Variants in TEX9 observed in about 807,000 individuals in gnomAD.
The protein encoded by TEX9 is testis expressed 9, also known as testis-expressed protein 9.
TEX9 carries 74 observed loss-of-function variants against 59.6 expected under a neutral mutation model. The ratio of observed to expected loss-of-function variants is 1.24; its 90% confidence interval spans 1.03 to 1.51. The LOEUF (loss-of-function observed/expected upper bound fraction) is 1.51. TEX9 is among the 40% of genes most tolerant of loss of function. The probability of loss-of-function intolerance (pLI) is 0.00; values close to 1 mark genes in which losing one functional copy is unlikely to be tolerated. For missense variants in TEX9, 522 were observed against 447.8 expected (o/e 1.17, Z -1.49); for synonymous variants, 186 against 152.2 (o/e 1.22, Z -1.64).
At chr15:56,263,087 G>C (rs902812851) in intron 1 of TEX9, among the ~76,000 whole-genome samples, 1 of 152,016 alleles carries the variant, frequency 6.6e-6, no homozygotes, top group Non-Finnish European at 1.5e-5. Context: ...GCAGTGGTAC[G>C]ATCATGGCTC....
At chr15:56,372,623 C>T (rs1001417289) in intron 2 of TEX9, among the ~76,000 whole-genome samples, 2 of 151,926 alleles carry the variant, frequency 1.3e-5, no homozygotes, top group Non-Finnish European at 1.5e-5. Context: ...CTAAAGATTA[C>T]GTGAAGATAG....
At chr15:56,330,419 C>A (rs539663866) in intron 1 of TEX9, among the ~76,000 whole-genome samples, 2 of 151,962 alleles carry the variant, frequency 1.3e-5, no homozygotes, top group East Asian at 3.9e-4. Flanking sequence ...CTACTCTTAT[C>A]CTAAGTAGAA....
intron 1 of TEX9, among the ~76,000 whole-genome samples, chr15:56,285,261 T>C (rs1207380867): frequency 6.6e-6 from 1 of 152,150 alleles, no homozygotes. Flanking sequence ...TTTCTGTTGG[T>C]ACATAGAATT....
intron 12 of TEX9, chr15:56,443,448 T>C (rs1461538919): frequency 3.2e-6 from 5 of 1,585,258 alleles, no homozygotes; most frequent in Middle Eastern, 3.6e-4. Context: ...TGCTCTTATA[T>C]ATTTCAGCTT....
intron 1 of TEX9, among the ~76,000 whole-genome samples, chr15:56,287,416 A>G (rs544477400): frequency 3.7e-4 from 56 of 152,260 alleles, no homozygotes; most frequent in African/African-American, 1.3e-3. Flanking sequence ...AGACAAGTGA[A>G]AAAAATATGT....
At chr15:56,386,828 A>G (rs2047982642) in intron 4 of TEX9, among the ~76,000 whole-genome samples, 1 of 151,864 alleles carries the variant, frequency 6.6e-6, no homozygotes, top group Non-Finnish European at 1.5e-5. Context: ...TTTTAATGCA[A>G]CTGTTTGAAC....
chr15:56,413,269 TTAA>T (rs1240423776), intron 10 of TEX9, among the ~76,000 whole-genome samples: 2 of 102,708 alleles, frequency 1.9e-5, no homozygotes, highest in Admixed American at 1.3e-4. Flanking sequence ...ATTAAATAAT[TTAA>T]TAATTAAATA....
At chr15:56,356,544 T>A (rs1449405100) in intron 1 of TEX9, among the ~76,000 whole-genome samples, 1 of 152,150 alleles carries the variant, frequency 6.6e-6, no homozygotes, top group East Asian at 1.9e-4. Context: ...GTGTGCCAAA[T>A]CTCTTAGGTT....
At chr15:56,454,016 A>G in the TEX9 span, among the ~76,000 whole-genome samples, 1 of 152,212 alleles carries the variant, frequency 6.6e-6, no homozygotes, top group African/African-American at 2.4e-5. Flanking sequence ...CCATTTCTGC[A>G]TGACAGTGAA....
At chr15:56,262,802 T>G (rs1167571265) in intron 1 of TEX9, among the ~76,000 whole-genome samples, 2 of 152,250 alleles carry the variant, frequency 1.3e-5, no homozygotes, top group African/African-American at 4.8e-5. Flanking sequence ...CATAAAAATT[T>G]AGGATTGTTG....
intron 1 of TEX9, among the ~76,000 whole-genome samples, chr15:56,346,237 CAGAG>C (rs1481381716): frequency 2.6e-5 from 4 of 152,142 alleles, no homozygotes; most frequent in African/African-American, 9.7e-5. Context: ...GAAGATGCCT[CAGAG>C]AGGCAGGAGA....
At chr15:56,380,999 G>C (rs1311781294) in intron 3 of TEX9, among the ~76,000 whole-genome samples, 1 of 152,068 alleles carries the variant, frequency 6.6e-6, no homozygotes, top group Admixed American at 6.6e-5. Flanking sequence ...TTATCCCTTC[G>C]AATAAACTTT....
intron 1 of TEX9, among the ~76,000 whole-genome samples, chr15:56,326,710 C>T (rs558889506): frequency 5.3e-5 from 8 of 152,192 alleles, no homozygotes; most frequent in African/African-American, 9.6e-5. Flanking sequence ...CATGGAGAAA[C>T]GCTGGGAGAT....
At chr15:56,436,849 C>G (rs2050734807) in intron 12 of TEX9, among the ~76,000 whole-genome samples, 1 of 152,132 alleles carries the variant, frequency 6.6e-6, no homozygotes, top group Admixed American at 6.5e-5. Flanking sequence ...ACTAGAAAAT[C>G]TAGAAGAAAT....
At chr15:56,363,804 A>G (rs138619466), upstream of TEX9, among the ~76,000 whole-genome samples, 2 of 151,446 alleles carry the variant, frequency 1.3e-5, no homozygotes, top group South Asian at 2.1e-4. Context: ...AGTTGGGACT[A>G]CAGGCATGTA....
intron 1 of TEX9, among the ~76,000 whole-genome samples, chr15:56,299,914 C>A (rs1453518332): frequency 2.0e-5 from 3 of 152,088 alleles, no homozygotes; most frequent in Non-Finnish European, 4.4e-5. Context: ...TCACCAGGAG[C>A]CTTGAGTGAG....
chr15:56,315,946 C>T (rs1353346067), intron 1 of TEX9, among the ~76,000 whole-genome samples: 1 of 151,652 alleles, frequency 6.6e-6, no homozygotes, highest in Non-Finnish European at 1.5e-5. Context: ...ATCGCGTCGG[C>T]TCCTGAGGCT....
chr15:56,302,119 TGTTAA>T (rs1362466254), intron 1 of TEX9, among the ~76,000 whole-genome samples: 1 of 152,210 alleles, frequency 6.6e-6, no homozygotes, highest in Non-Finnish European at 1.5e-5. Context: ...TTGTTAGCAG[TGTTAA>T]GTTGTCATTA....
chr15:56,304,684 A>G (rs532086813), intron 1 of TEX9, among the ~76,000 whole-genome samples: 1 of 152,246 alleles, frequency 6.6e-6, no homozygotes, highest in Admixed American at 6.5e-5. Flanking sequence ...CAATTTTCCC[A>G]TCAATTTTCA....
Sources: allele counts gnomAD v4.1 joint callset (sites outside exome capture counted in the v4.1 genomes callset), GRCh38; gene constraint gnomAD v4.1.1; transcripts MANE v1.5; gene names NCBI Gene and HGNC (gene_info 2026-07-23, HGNC 2026-07-21).